The following CARF variants were observed in gnomAD, a reference collection of about 807,000 sequenced individuals.
CARF encodes the protein calcium-responsive transcription factor.
In CARF, 57 loss-of-function variants were observed where a neutral mutation model predicts 82.0. That is an observed-to-expected ratio of 0.70 (90% confidence interval 0.56 to 0.87). The LOEUF (loss-of-function observed/expected upper bound fraction) is 0.87, where lower values mean the gene tolerates loss of function less well. Among genes scored for constraint, CARF ranks in the 40% least tolerant of loss-of-function variants. The pLI is 0.00. For missense variants in CARF, 771 were observed against 855.8 expected (o/e 0.90, Z 1.24); for synonymous variants, 268 against 290.1 (o/e 0.92, Z 0.77).
At chr2:202,966,731 C>T (rs138095465) in intron 9 of CARF, among the ~76,000 whole-genome samples, 2 of 152,146 alleles carry the variant, frequency 1.3e-5, no homozygotes, top group Non-Finnish European at 2.9e-5. Flanking sequence ...AATTATATGC[C>T]AGTAGACACT....
At chr2:202,976,101 A>T (rs1479739727) in intron 13 of CARF, among the ~76,000 whole-genome samples, 3 of 152,020 alleles carry the variant, frequency 2.0e-5, no homozygotes, top group Non-Finnish European at 4.4e-5. Context: ...ACATACATAC[A>T]TACAGTTCTT....
intron 2 of CARF, among the ~76,000 whole-genome samples, chr2:202,919,480 C>T (rs1690373475): frequency 6.6e-6 from 1 of 152,184 alleles, no homozygotes; most frequent in Admixed American, 6.5e-5. Flanking sequence ...TCTTCCTAAA[C>T]TCCACTTCTC....
At chr2:202,945,223 T>C (rs1400677872) in intron 5 of CARF, among the ~76,000 whole-genome samples, 1 of 152,196 alleles carries the variant, frequency 6.6e-6, no homozygotes, top group East Asian at 1.9e-4. Context: ...CATATATATA[T>C]ACTTCCTGTA....
chr2:202,963,809 T>C (rs753137813), intron 9 of CARF, among the ~76,000 whole-genome samples: 5 of 152,166 alleles, frequency 3.3e-5, no homozygotes, highest in Non-Finnish European at 7.4e-5. Context: ...TTCGTGTTTC[T>C]ATGAGAATCT....
intron 13 of CARF, among the ~76,000 whole-genome samples, chr2:202,975,468 G>A (rs1015366688): frequency 2.0e-5 from 3 of 151,900 alleles, no homozygotes; most frequent in African/African-American, 7.3e-5. Context: ...AATTAGCTGG[G>A]TGTGGTGGCG....
At position 202,953,829 on chromosome 2, in the gene CARF, A is replaced by G. The variant is rs1036186798; in HGVS notation, c.428-176A>G. Reference sequence around the variant, plus strand: ...AAATTATAAAATTACAGTAGTCAGTATTATAATTTAAAGTAAACAAGTATC... The same window carrying G: ...AAATTATAAAATTACAGTAGTCAGTGTTATAATTTAAAGTAAACAAGTATC... On this transcript the variant is annotated intron_variant, in intron 6 of 16. Coordinates refer to ENST00000438828, the MANE Select transcript of CARF (RefSeq NM_024744.17). Among the ~76,000 whole-genome samples, 32 of 152,172 alleles carry G rather than the reference A, an allele frequency of 2.1e-4. 1 individual carries two copies. Among genetic ancestry groups the G allele is most frequent in the Admixed American group, 7.9e-4 (12 of 15,270 alleles).
chr2:202,948,047 G>T (rs751239368), intron 5 of CARF, among the ~76,000 whole-genome samples: 1 of 152,118 alleles, frequency 6.6e-6, no homozygotes, highest in Non-Finnish European at 1.5e-5. Context: ...TGAGGAAGGG[G>T]TCCAGCTTCT....
chr2:202,982,499 A>C (rs1431386978), intron 16 of CARF, 58 bp downstream of exon 16: 1 of 1,556,354 alleles, frequency 6.4e-7, no homozygotes, highest in South Asian at 1.2e-5. Flanking sequence ...TATCATCACT[A>C]TATTATACTA....
chr2:202,980,662 A>ATAT (rs2060223733), intron 14 of CARF, among the ~76,000 whole-genome samples: 1 of 115,066 alleles, frequency 8.7e-6, no homozygotes, highest in Non-Finnish European at 1.8e-5. Context: ...ATATATATAT[A>ATAT]GTTGTGCCTC....
In CARF at chr2:202,957,289, G is replaced by T. The variant is rs558382125; in HGVS notation, c.642+1531G>T. ...AGATTGTTTTAATTGTCTTTTCTCA[G>T]TGCCCAATAAGTCATGTTATTTTTT... On this transcript the variant is annotated intron_variant, in intron 8 of 16. Transcript: ENST00000438828. 2.6e-5 allele frequency among the ~76,000 whole-genome samples: 4 copies of T among 152,180 alleles called. No homozygotes were observed. The East Asian group carries it at 7.7e-4, about 29-fold the overall frequency.
chr2:202,963,036 A>G lies in CARF; in HGVS notation c.832+1610A>G, dbSNP rs539762670. 2.6e-5 allele frequency: 4 copies of G among 152,310 alleles called. No homozygotes were observed. The South Asian group carries it at 8.3e-4, about 32-fold the overall frequency. The allele number at this position is 152,310 out of a possible 1,614,324, so 9.4% of individuals were successfully genotyped here. On this transcript the variant is annotated intron_variant, in intron 9 of 16. Coordinates refer to ENST00000438828, the MANE Select transcript of CARF (RefSeq NM_024744.17). Reference sequence around the variant, plus strand: ...CAAGATTATCTTAAAATTGCTCTCAAGGCCGGGCGCAGTGGCTCACGCCTG... The same window carrying G: ...CAAGATTATCTTAAAATTGCTCTCAGGGCCGGGCGCAGTGGCTCACGCCTG...
At chr2:202,960,450 A>G (rs1008573658) in intron 8 of CARF, among the ~76,000 whole-genome samples, 5 of 152,070 alleles carry the variant, frequency 3.3e-5, no homozygotes, top group Non-Finnish European at 7.4e-5. Context: ...GGGTTTCACC[A>G]TATTGGCCAG....
intron 3 of CARF, chr2:202,938,428 ATTTTTTTAT>A (rs1337506959): frequency 2.6e-5 from 4 of 151,322 alleles, no homozygotes. Flanking sequence ...AATTTTTTTT[ATTTTTTTAT>A]TTTTTTTATT....
At chr2:202,929,203 A>G (rs887474481) in intron 3 of CARF, among the ~76,000 whole-genome samples, 1 of 152,216 alleles carries the variant, frequency 6.6e-6, no homozygotes, top group African/African-American at 2.4e-5. Context: ...TTAGTTTGAT[A>G]CAAATCCATT....
chr2:202,986,616 AGTT>A lies in CARF; in HGVS notation c.*2993_*2995del, dbSNP rs2060436054. The A allele has an allele frequency of 7.9e-6, 1 of 126,416 alleles. No individual in the cohort carries two copies. The highest frequency in any genetic ancestry group is 1.9e-5 in the Non-Finnish European group (1 of 51,952). 7.8% of individuals were successfully genotyped at this position (126,416 alleles called of 1,614,324 possible). A position where few individuals can be genotyped will look rare whatever the true frequency, so the allele number is the denominator to read the frequency against. Reference sequence around the variant, plus strand: ...CTCAATAGTGATTTTTTGTACAAACAGTTAGTATAATTAAAAGGAAAAGCTTTT... The same window carrying A: ...CTCAATAGTGATTTTTTGTACAAACAAGTATAATTAAAAGGAAAAGCTTTT... On this transcript the variant is annotated 3_prime_UTR_variant, in exon 17 of 17. Transcript: ENST00000438828.
chr2:202,923,623 A>G (rs1216183500), intron 2 of CARF, among the ~76,000 whole-genome samples: 3 of 152,198 alleles, frequency 2.0e-5, no homozygotes, highest in Non-Finnish European at 4.4e-5. Flanking sequence ...AGAAAAAACA[A>G]TCCTAAAATT....
At chr2:202,922,431 A>G (rs889034208) in intron 2 of CARF, among the ~76,000 whole-genome samples, 1 of 152,136 alleles carries the variant, frequency 6.6e-6, no homozygotes, top group African/African-American at 2.4e-5. Context: ...CAAGAAAAGG[A>G]TACCCACTCT....
In CARF at chr2:202,986,908, A is replaced by T. The variant is rs1454331814; in HGVS notation, c.*3284A>T. On this transcript the variant is annotated 3_prime_UTR_variant, in exon 17 of 17. Transcript: ENST00000438828. ...TATATATATATATATATATATATAT[A>T]GCAACTTGATGTATAGTGTCCTTGT... The T allele has an allele frequency of 7.3e-6, 1 of 136,328 alleles. No homozygotes were observed. Among genetic ancestry groups the T allele is most frequent in the Non-Finnish European group, 1.6e-5 (1 of 64,160 alleles). 8.4% of individuals were successfully genotyped at this position (136,328 alleles called of 1,614,324 possible). A position where few individuals can be genotyped will look rare whatever the true frequency, so the allele number is the denominator to read the frequency against.
intron 14 of CARF, among the ~76,000 whole-genome samples, chr2:202,980,863 A>T (rs989124293): frequency 2.6e-5 from 4 of 151,626 alleles, no homozygotes; most frequent in African/African-American, 9.7e-5. Flanking sequence ...AGTTTGTGGG[A>T]GGATATGCTT....
Sources: allele counts gnomAD v4.1 joint callset (sites outside exome capture counted in the v4.1 genomes callset), GRCh38; gene constraint gnomAD v4.1.1; transcripts MANE v1.5; gene names NCBI Gene and HGNC (gene_info 2026-07-23, HGNC 2026-07-21).